Variants in ZCCHC7 observed in about 807,000 individuals in gnomAD.
The protein encoded by ZCCHC7 is zinc finger CCHC-type containing 7, also known as zinc finger CCHC domain-containing protein 7.
ZCCHC7 carries 35 observed loss-of-function variants against 52.0 expected under a neutral mutation model. The ratio of observed to expected loss-of-function variants is 0.67; its 90% confidence interval spans 0.51 to 0.89. The LOEUF (loss-of-function observed/expected upper bound fraction) is 0.89. Among genes scored for constraint, ZCCHC7 ranks in the 40% least tolerant of loss-of-function variants. ZCCHC7 has a pLI of 0.00. For synonymous variants in ZCCHC7, 217 were observed against 221.5 expected (o/e 0.98, Z 0.18); for missense variants, 574 against 649.1 (o/e 0.88, Z 1.26).
At chr9:37,199,729 T>C (rs181508580) in intron 2 of ZCCHC7, among the ~76,000 whole-genome samples, 53 of 149,000 alleles carry the variant, frequency 3.6e-4, no homozygotes, top group African/African-American at 1.3e-3. Context: ...TCTTTCTTTC[T>C]CCTTTTCTCT....
At chr9:37,335,515 G>T (rs1830611414) in intron 6 of ZCCHC7, among the ~76,000 whole-genome samples, 1 of 152,116 alleles carries the variant, frequency 6.6e-6, no homozygotes, top group African/African-American at 2.4e-5. Context: ...ACGATGAGAT[G>T]ATAAATATAA....
chr9:37,304,129 G>A (rs1196310962), intron 3 of ZCCHC7, 59 bp from the exon 4 acceptor site: 12 of 1,540,846 alleles, frequency 7.8e-6, no homozygotes, highest in Non-Finnish European at 1.1e-5. Context: ...AAGAGTAGTA[G>A]ATGGCTTTTA....
At chr9:37,310,902 A>T (rs1043982365) in intron 5 of ZCCHC7, among the ~76,000 whole-genome samples, 1 of 149,574 alleles carries the variant, frequency 6.7e-6, no homozygotes, top group African/African-American at 2.5e-5. Context: ...GGCTGCAGTG[A>T]GCTGTGATCA....
rs551495038 is a variant in ZCCHC7, at chr9:37,272,491, T to TAAA, written c.611-29676_611-29674dup. ...CTTTACATGTTTCAAAGCTGTGTGGTAAAAAAAAAAAAAAAAAAAAAAAGA... is the reference window on the plus strand; with the variant it reads ...CTTTACATGTTTCAAAGCTGTGTGGTAAAAAAAAAAAAAAAAAAAAAAAAAAGA... On this transcript the variant is annotated intron_variant, in intron 2 of 8. Transcript: ENST00000336755. Among the ~76,000 whole-genome samples the TAAA allele has an allele frequency of 5.1e-4, 50 of 97,744 alleles. 1 individual carries two copies. The highest frequency in any genetic ancestry group is 9.4e-4 in the South Asian group (3 of 3,182). 64.1% of individuals were successfully genotyped at this position (97,744 alleles called of 152,430 possible). A position where few individuals can be genotyped will look rare whatever the true frequency, so the allele number is the denominator to read the frequency against.
chr9:37,257,168 A>G (rs1449067627), intron 2 of ZCCHC7, among the ~76,000 whole-genome samples: 3 of 152,210 alleles, frequency 2.0e-5, no homozygotes, highest in Non-Finnish European at 2.9e-5. Flanking sequence ...GGGCAAATCA[A>G]TATGGCGGGT....
intron 2 of ZCCHC7, among the ~76,000 whole-genome samples, chr9:37,257,154 G>A (rs1308529373): frequency 6.6e-6 from 1 of 152,162 alleles, no homozygotes; most frequent in Non-Finnish European, 1.5e-5. Context: ...AGTAAATTTT[G>A]GAAGGGCAAA....
intron 2 of ZCCHC7, among the ~76,000 whole-genome samples, chr9:37,235,173 C>G (rs75694412): frequency 0.035 from 5,280 of 152,250 alleles, 282 homozygotes; most frequent in African/African-American, 0.11. Context: ...ATTGTAATCA[C>G]TGTACTTGTA....
intron 2 of ZCCHC7, among the ~76,000 whole-genome samples, chr9:37,277,489 TA>T (rs1827737529): frequency 6.6e-6 from 1 of 151,670 alleles, no homozygotes; most frequent in South Asian, 2.1e-4. Context: ...TGAAATAAAA[TA>T]AATAAAATAA....
intron 2 of ZCCHC7, among the ~76,000 whole-genome samples, chr9:37,170,130 G>C (rs1821651601): frequency 6.6e-6 from 1 of 151,658 alleles, no homozygotes; most frequent in South Asian, 2.1e-4. Flanking sequence ...AAACAAGTTT[G>C]TTCTTTTCAG....
intron 2 of ZCCHC7, among the ~76,000 whole-genome samples, chr9:37,182,089 GTCATTGCTAA>G (rs1822386691): frequency 6.6e-6 from 1 of 152,192 alleles, no homozygotes; most frequent in Non-Finnish European, 1.5e-5. Context: ...AGATGAGCTA[GTCATTGCTAA>G]TTCTTTGACA....
At chr9:37,287,885 C>A in intron 2 of ZCCHC7, among the ~76,000 whole-genome samples, 1 of 150,786 alleles carries the variant, frequency 6.6e-6, no homozygotes, top group East Asian at 1.9e-4. Context: ...TTTATCAGGA[C>A]ATATTATATG....
chr9:37,269,760 G>A (rs773074144), intron 2 of ZCCHC7, among the ~76,000 whole-genome samples: 2 of 151,830 alleles, frequency 1.3e-5, no homozygotes, highest in Non-Finnish European at 2.9e-5. Context: ...AACAGAACTT[G>A]GTATGGAACT....
chr9:37,272,670 G>A (rs983514735), intron 2 of ZCCHC7, among the ~76,000 whole-genome samples: 1 of 151,636 alleles, frequency 6.6e-6, no homozygotes. Flanking sequence ...TCTCTTAACG[G>A]TATAGTTTGT....
chr9:37,304,145 C>T, intron 3 of ZCCHC7, 43 bp from the exon 4 acceptor site: 1 of 1,579,702 alleles, frequency 6.3e-7, no homozygotes, highest in Non-Finnish European at 8.6e-7. Context: ...TTTTATTTAG[C>T]AGTGAAACAA....
chr9:37,198,776 A>G (rs1823427117), intron 2 of ZCCHC7, among the ~76,000 whole-genome samples: 1 of 152,166 alleles, frequency 6.6e-6, no homozygotes, highest in Non-Finnish European at 1.5e-5. Flanking sequence ...GATAAATTTG[A>G]AAGATTAGTA....
chr9:37,189,854 G>T (rs778272194), intron 2 of ZCCHC7, among the ~76,000 whole-genome samples: 1 of 152,208 alleles, frequency 6.6e-6, no homozygotes, highest in South Asian at 2.1e-4. Context: ...TGGGAACTGA[G>T]TAGTTGTCTA....
At chr9:37,132,161 A>C (rs1842812701) in intron 2 of ZCCHC7, among the ~76,000 whole-genome samples, 1 of 152,132 alleles carries the variant, frequency 6.6e-6, no homozygotes, top group Non-Finnish European at 1.5e-5. Context: ...TCCTGGTGGA[A>C]GAAAAGATGC....
intron 2 of ZCCHC7, among the ~76,000 whole-genome samples, chr9:37,226,566 T>TA (rs1825116092): frequency 6.6e-6 from 1 of 152,190 alleles, no homozygotes; most frequent in Non-Finnish European, 1.5e-5. Context: ...TACATAAAGA[T>TA]ACCAAACATT....
chr9:37,309,300 A>C (rs555839797), intron 5 of ZCCHC7, among the ~76,000 whole-genome samples: 11 of 152,236 alleles, frequency 7.2e-5, no homozygotes, highest in African/African-American at 2.6e-4. Flanking sequence ...TTCTGGCCCC[A>C]TGTTGTTGGA....
Sources: gnomAD v4.1 joint callset for allele counts (sites outside exome capture counted in the v4.1 genomes callset) on GRCh38, gnomAD v4.1.1 for gene constraint, MANE v1.5 for transcripts, NCBI Gene and HGNC (gene_info 2026-07-23, HGNC 2026-07-21) for gene names.